PKN2: variants seen among roughly 807,000 people sequenced by gnomAD.
PKN2 encodes protein kinase N2.
Under a neutral mutation model 119.1 loss-of-function variants are expected in PKN2, and 38 were observed. The ratio of observed to expected loss-of-function variants is 0.32; its 90% CI spans 0.25 to 0.42. The LOEUF (loss-of-function observed/expected upper bound fraction) is 0.42, where lower values mean the gene tolerates loss of function less well. PKN2 is among the 10% of genes least tolerant of loss of function. The probability of loss-of-function intolerance (pLI) is 1.00; values close to 1 mark genes in which losing one functional copy is unlikely to be tolerated. For missense variants in PKN2, 850 were observed against 1,165.1 expected (o/e 0.73, Z 3.94); for synonymous variants, 390 against 384.9 (o/e 1.01, Z -0.15).
At chr1:88,751,289 A>G (rs1668983300) in intron 2 of PKN2, among the ~76,000 whole-genome samples, 1 of 152,074 alleles carries the variant, frequency 6.6e-6, no homozygotes, top group Non-Finnish European at 1.5e-5. Flanking sequence ...ATATATACAC[A>G]CATACACTCT....
chr1:88,719,282 T>C (rs1667574957), intron 1 of PKN2, among the ~76,000 whole-genome samples: 1 of 152,228 alleles, frequency 6.6e-6, no homozygotes, highest in Admixed American at 6.5e-5. Flanking sequence ...TTAACTAGTT[T>C]TATTTCCTCA....
intron 2 of PKN2, among the ~76,000 whole-genome samples, chr1:88,751,902 T>C (rs746613765): frequency 1.8e-4 from 27 of 152,166 alleles, no homozygotes; most frequent in Non-Finnish European, 3.4e-4. Context: ...TGGATTCTAC[T>C]CTTGTTGAGG....
At chr1:88,697,967 C>T (rs903897440) in intron 1 of PKN2, among the ~76,000 whole-genome samples, 1 of 151,968 alleles carries the variant, frequency 6.6e-6, no homozygotes, top group Non-Finnish European at 1.5e-5. Context: ...ACTTCATTTT[C>T]TCTTCTAGGC....
intron 19 of PKN2, among the ~76,000 whole-genome samples, chr1:88,831,731 A>T (rs1401728683): frequency 6.6e-6 from 1 of 152,036 alleles, no homozygotes; most frequent in Admixed American, 6.6e-5. Context: ...GCCAAATCAA[A>T]TCTAACGAGG....
chr1:88,754,710 G>A (rs1202927404), intron 2 of PKN2, among the ~76,000 whole-genome samples: 1 of 152,160 alleles, frequency 6.6e-6, no homozygotes, highest in Non-Finnish European at 1.5e-5. Flanking sequence ...TTTGGTGGAG[G>A]AATTAGTCTT....
chr1:88,758,038 C>CAAAAAAA (rs33914457), intron 2 of PKN2, among the ~76,000 whole-genome samples: 13 of 59,054 alleles, frequency 2.2e-4, no homozygotes, highest in African/African-American at 6.8e-4. Context: ...GAGACTATCT[C>CAAAAAAA]AAAAAAAAAA....
intron 1 of PKN2, among the ~76,000 whole-genome samples, chr1:88,724,056 C>G (rs997891245): frequency 3.3e-5 from 5 of 152,082 alleles, no homozygotes; most frequent in Non-Finnish European, 7.3e-5. Flanking sequence ...ACTCAAGTCA[C>G]TTGCTTTAAG....
rs1672878007 is a variant in PKN2, at chr1:88,834,814, T to TTTTGG, written c.*1376_*1380dup. 6.6e-6 allele frequency: 1 copy of TTTTGG among 152,390 alleles called. No individual in the cohort carries two copies. The highest frequency in any genetic ancestry group is 1.5e-5 in the Non-Finnish European group (1 of 67,926). 9.4% of individuals were successfully genotyped at this position (152,390 alleles called of 1,614,324 possible). On this transcript the variant is annotated 3_prime_UTR_variant, in exon 22 of 22. Transcript: ENST00000370521. ...CCACTTGCCTGTAGTTTTTTGTTTG[T>TTTTGG]TTTGGTTTGGTTTGATTTTATATTT...
At chr1:88,732,577 G>A (rs947586184) in intron 1 of PKN2, among the ~76,000 whole-genome samples, 1 of 152,066 alleles carries the variant, frequency 6.6e-6, no homozygotes, top group Non-Finnish European at 1.5e-5. Context: ...ATATTTGTAA[G>A]CTTTATAAGG....
At chr1:88,752,562 C>G (rs865905926) in intron 2 of PKN2, among the ~76,000 whole-genome samples, 15 of 152,032 alleles carry the variant, frequency 9.9e-5, no homozygotes, top group African/African-American at 3.6e-4. Flanking sequence ...CCAGTTTTTT[C>G]TTTATTTTGT....
intron 8 of PKN2, among the ~76,000 whole-genome samples, chr1:88,793,883 T>C (rs1670946973): frequency 6.6e-6 from 1 of 152,176 alleles, no homozygotes; most frequent in African/African-American, 2.4e-5. Context: ...ATCCTTTTAT[T>C]CCCCAAATAT....
At chr1:88,726,220 A>G (rs182764185) in intron 1 of PKN2, among the ~76,000 whole-genome samples, 498 of 152,284 alleles carry the variant, frequency 3.3e-3, no homozygotes, top group Non-Finnish European at 5.7e-3. Flanking sequence ...ATTGCATTGA[A>G]TAAGAGTGCT....
At chr1:88,777,474 C>T (rs1423845793) in intron 6 of PKN2, among the ~76,000 whole-genome samples, 2 of 152,274 alleles carry the variant, frequency 1.3e-5, no homozygotes, top group South Asian at 4.1e-4. Flanking sequence ...TCAAGTACTT[C>T]ATTTCCTTAG....
At chr1:88,697,645 A>T (rs560782249) in intron 1 of PKN2, among the ~76,000 whole-genome samples, 30 of 152,250 alleles carry the variant, frequency 2.0e-4, no homozygotes, top group African/African-American at 7.2e-4. Context: ...TGCCTGTGGG[A>T]TATAGTCCTA....
chr1:88,781,356 G>A (rs1308056379), intron 6 of PKN2, among the ~76,000 whole-genome samples: 1 of 151,294 alleles, frequency 6.6e-6, no homozygotes, highest in Non-Finnish European at 1.5e-5. Context: ...TTTATAAGAG[G>A]ATATTTCTGC....
chr1:88,821,811 C>T, intron 16 of PKN2, 130 bp from the exon 17 acceptor site: 1 of 680,112 alleles, frequency 1.5e-6, no homozygotes, highest in Non-Finnish European at 2.3e-6. Flanking sequence ...CAATGTGATA[C>T]ATAGTAGGGA....
intron 1 of PKN2, among the ~76,000 whole-genome samples, chr1:88,730,248 C>G (rs972149291): frequency 1.3e-5 from 2 of 152,018 alleles, no homozygotes; most frequent in African/African-American, 4.8e-5. Flanking sequence ...TATTTTCCAT[C>G]TGAAACAAGA....
intron 8 of PKN2, among the ~76,000 whole-genome samples, chr1:88,794,579 C>T (rs977352480): frequency 2.0e-5 from 3 of 152,092 alleles, no homozygotes; most frequent in Non-Finnish European, 4.4e-5. Context: ...CCAGGCTGGG[C>T]AACAGAGTGA....
chr1:88,819,604 G>A (rs1570680364), intron 16 of PKN2, among the ~76,000 whole-genome samples: 1 of 152,306 alleles, frequency 6.6e-6, no homozygotes, highest in East Asian at 1.9e-4. Context: ...AAGACAGTGT[G>A]GTGATTCCTC....
Sources: allele counts gnomAD v4.1 joint callset (sites outside exome capture counted in the v4.1 genomes callset), GRCh38; gene constraint gnomAD v4.1.1; transcripts MANE v1.5; gene names NCBI Gene and HGNC (gene_info 2026-07-23, HGNC 2026-07-21).